SCN11A: variants seen among roughly 807,000 people sequenced by gnomAD.
The protein encoded by SCN11A is sodium channel protein type 11 subunit alpha.
In SCN11A, 122 loss-of-function variants were observed where a neutral mutation model predicts 162.2. That is an observed-to-expected ratio of 0.75 (90% CI 0.65 to 0.87). The LOEUF is 0.87. Among genes scored for constraint, SCN11A ranks in the 40% least tolerant of loss-of-function variants. The pLI, the probability that SCN11A is intolerant of heterozygous loss-of-function variation, is 0.00. For missense variants in SCN11A, 2,015 were observed against 2,181.6 expected (o/e 0.92, Z 1.52); for synonymous variants, 758 against 751.5 (o/e 1.01, Z -0.14).
In SCN11A at chr3:38,894,613, G is replaced by A. The variant is rs1392879838; in HGVS notation, c.2755C>T (p.Leu919Phe). 4 of 1,613,996 alleles carry A rather than the reference G, an allele frequency of 2.5e-6. No individual in the cohort carries two copies. In the African/African-American group the frequency reaches 5.3e-5, roughly 22 times the overall value. Reference protein sequence around the residue: ...VRHDWTWLAPLAEEEDDVEFS... With the variant: ...VRHDWTWLAPFAEEEDDVEFS... ...TCAACGTCATCTTCCTCCTCCGCAA[G>A]TGGTGCCAACCAAGTCCAATCATGC... The change falls in exon 19 of 30, where the codon CTT (leucine) becomes TTT (phenylalanine). Residue 919 changes from leucine (L) to phenylalanine (F), a missense_variant. Transcript: ENST00000302328.
chr3:38,962,372 A>G (rs139399616), intron 2 of SCN11A, among the ~76,000 whole-genome samples: 1,838 of 151,982 alleles, frequency 0.012, 37 homozygotes, highest in African/African-American at 0.041. Flanking sequence ...ATCCATATGG[A>G]TTTTAGAATT....
At chr3:38,975,965 T>C (rs1037781174) in intron 2 of SCN11A, among the ~76,000 whole-genome samples, 1 of 152,168 alleles carries the variant, frequency 6.6e-6, no homozygotes, top group Non-Finnish European at 1.5e-5. Flanking sequence ...GGATGGTAAA[T>C]TTTATGTTAG....
intron 7 of SCN11A, among the ~76,000 whole-genome samples, chr3:38,944,528 A>G (rs996929044): frequency 1.3e-5 from 2 of 151,678 alleles, no homozygotes; most frequent in Non-Finnish European, 2.9e-5. Context: ...GGGTTTCACC[A>G]TGTTAGCCAG....
intron 28 of SCN11A, among the ~76,000 whole-genome samples, chr3:38,862,227 T>C (rs1012179667): frequency 6.6e-6 from 1 of 151,880 alleles, no homozygotes; most frequent in African/African-American, 2.4e-5. Flanking sequence ...AATTTAAAAA[T>C]CAAAAAAATA....
rs200450233 is a variant in SCN11A at position 38,896,883 on chromosome 3, T to C, written c.2365A>G (p.Ile789Val). 7 of 1,604,414 alleles carry C rather than the reference T, an allele frequency of 4.4e-6. No homozygotes were observed. The highest frequency in any genetic ancestry group is 6.0e-6 in the Non-Finnish European group (7 of 1,176,212). ...ATCACCGTGATCAATATGAAGACAATAACACACAATGATGATGATGCATTC... is the reference window on the plus strand; with the variant it reads ...ATCACCGTGATCAATATGAAGACAACAACACACAATGATGATGATGCATTC... Reference protein sequence around the residue: ...EANASSSLCVIVFILITVIGK... With the variant: ...EANASSSLCVVVFILITVIGK... Residue 789 changes from isoleucine (I) to valine (V), a missense_variant, in exon 18 of 30, where the codon ATT becomes GTT. Transcript: ENST00000302328.
Position 39,022,092 on chromosome 3 carries a change from T to C in SCN11A, c.-280+10288A>G, listed in dbSNP as rs1348809928. Among the ~76,000 whole-genome samples the C allele has an allele frequency of 2.0e-5, 3 of 152,178 alleles. No individual in the cohort carries two copies. In the East Asian group the frequency reaches 5.8e-4, roughly 29 times the overall value. The stretch of plus-strand genomic sequence containing the variant: ...TGATAAGAGATCACCACTGGAGTAG[T>C]TCTGGCCTGTCTAAGGAGAAGGCAC... On this transcript the variant is annotated intron_variant, in intron 2 of 29. Coordinates refer to ENST00000302328, the MANE Select transcript of SCN11A (RefSeq NM_001349253.2).
chr3:38,904,663 C>T (rs2065763782), intron 15 of SCN11A, among the ~76,000 whole-genome samples: 1 of 152,010 alleles, frequency 6.6e-6, no homozygotes, highest in Admixed American at 6.6e-5. Flanking sequence ...CCTATTTGAC[C>T]CCCCTTGCAG....
chr3:38,936,463 A>G (rs1487290538), intron 7 of SCN11A, among the ~76,000 whole-genome samples: 2 of 151,336 alleles, frequency 1.3e-5, no homozygotes, highest in East Asian at 3.9e-4. Context: ...TTGTATATCT[A>G]GAAAACCCCA....
chr3:38,879,866 G>A (rs950758422), intron 23 of SCN11A, 84 bp downstream of exon 23: 11 of 1,029,518 alleles, frequency 1.1e-5, no homozygotes, highest in African/African-American at 1.6e-5. Flanking sequence ...ATCCATATGC[G>A]GCACACAGGA....
At chr3:38,960,045 A>G (rs1559556957) in intron 3 of SCN11A, among the ~76,000 whole-genome samples, 1 of 152,064 alleles carries the variant, frequency 6.6e-6, no homozygotes, top group African/African-American at 2.4e-5. Flanking sequence ...CCAGCTGGCC[A>G]TCTCCTGTCC....
intron 26 of SCN11A, among the ~76,000 whole-genome samples, chr3:38,869,460 T>C (rs1490238490): frequency 2.6e-5 from 4 of 152,306 alleles, no homozygotes; most frequent in African/African-American, 9.6e-5. Context: ...ATGTAAACTA[T>C]AATTGTTATA....
rs1283391586 is a variant in SCN11A, at chr3:38,910,049, G to A, written c.1101+17C>T. 8 of 1,611,580 alleles carry A rather than the reference G, an allele frequency of 5.0e-6. No individual in the cohort carries two copies. The African/African-American group carries it at 1.1e-4, about 22-fold the overall frequency. On this transcript the variant is annotated intron_variant, in intron 12 of 29. Transcript: ENST00000302328. ...GAGGGAGGGAGAGAGGAAAAAGAGA[G>A]ACTATAAATAGATAACCTGTTGATA...
At chr3:38,886,459 C>T (rs1206982985) in intron 19 of SCN11A, among the ~76,000 whole-genome samples, 8 of 152,096 alleles carry the variant, frequency 5.3e-5, no homozygotes, top group African/African-American at 1.9e-4. Context: ...TACAAAGATA[C>T]ATAATCAAAA....
At chr3:38,871,823 A>C (rs1456799931) in intron 24 of SCN11A, 115 bp from the exon 25 acceptor site, 6 of 843,518 alleles carry the variant, frequency 7.1e-6, no homozygotes, top group Non-Finnish European at 9.3e-6. Context: ...CTCTGTCCTT[A>C]ATCTCCACAT....
intron 2 of SCN11A, among the ~76,000 whole-genome samples, chr3:39,030,582 A>G (rs1255378464): frequency 2.0e-5 from 3 of 152,186 alleles, no homozygotes; most frequent in African/African-American, 7.2e-5. Flanking sequence ...TAGCTGGCCA[A>G]GAGCTTGAAA....
intron 1 of SCN11A, among the ~76,000 whole-genome samples, chr3:39,044,246 T>C (rs115547237): frequency 0.022 from 3,383 of 152,294 alleles, 58 homozygotes; most frequent in Middle Eastern, 0.061. Context: ...GGGATTTCAA[T>C]ACCTTTGACC....
Position 38,846,537 on chromosome 3 carries a change from A to G in SCN11A, c.*157T>C, listed in dbSNP as rs2064666184. On this transcript the variant is annotated 3_prime_UTR_variant, in exon 30 of 30. Coordinates refer to ENST00000302328, the MANE Select transcript of SCN11A (RefSeq NM_001349253.2). ...TTATATCTCTGTAAGTATTATTTAA[A>G]ATGAAATTGAAATATCATTTATTTT... 5 of 622,388 alleles carry G rather than the reference A, an allele frequency of 8.0e-6. No individual in the cohort carries two copies. Among genetic ancestry groups the G allele is most frequent in the Non-Finnish European group, 1.4e-5 (5 of 352,190 alleles). 38.6% of individuals were successfully genotyped at this position (622,388 alleles called of 1,614,324 possible).
intron 2 of SCN11A, among the ~76,000 whole-genome samples, chr3:39,029,571 C>T (rs1237662834): frequency 1.3e-5 from 2 of 152,204 alleles, no homozygotes; most frequent in East Asian, 1.9e-4. Flanking sequence ...TCAAGGCAAA[C>T]GTAGTACAAC....
intron 2 of SCN11A, among the ~76,000 whole-genome samples, chr3:39,007,348 A>G (rs2031006733): frequency 6.6e-6 from 1 of 152,204 alleles, no homozygotes; most frequent in Non-Finnish European, 1.5e-5. Flanking sequence ...ACCTTTTGTT[A>G]TAACATTGGG....
Sources: gnomAD v4.1 joint callset for allele counts (sites outside exome capture counted in the v4.1 genomes callset) on GRCh38, gnomAD v4.1.1 for gene constraint, MANE v1.5 for transcripts, NCBI Gene and HGNC (gene_info 2026-07-23, HGNC 2026-07-21) for gene names.